ABHD2: variants seen among roughly 807,000 people sequenced by gnomAD.
ABHD2 encodes abhydrolase domain containing 2, acylglycerol lipase.
Under a neutral mutation model 48.1 loss-of-function variants are expected in ABHD2, and 20 were observed. The ratio of observed to expected loss-of-function variants is 0.42; its 90% CI spans 0.29 to 0.60. ABHD2 has a LOEUF of 0.60. Among genes scored for constraint, ABHD2 ranks in the 20% least tolerant of loss-of-function variants. The probability of loss-of-function intolerance (pLI) is 0.24; values close to 1 mark genes in which losing one functional copy is unlikely to be tolerated. For synonymous variants in ABHD2, 209 were observed against 214.2 expected (o/e 0.98, Z 0.21); for missense variants, 405 against 550.9 (o/e 0.74, Z 2.65).
chr15:89,119,015 T>A (rs1208257643), intron 3 of ABHD2, among the ~76,000 whole-genome samples: 1 of 152,154 alleles, frequency 6.6e-6, no homozygotes, highest in Non-Finnish European at 1.5e-5. Flanking sequence ...AGCATCAGCC[T>A]AAGCCAGGGG....
intron 1 of ABHD2, among the ~76,000 whole-genome samples, chr15:89,089,788 G>A (rs1750351442): frequency 6.6e-6 from 1 of 152,206 alleles, no homozygotes; most frequent in South Asian, 2.1e-4. Flanking sequence ...AAGGTCAGGA[G>A]GCAGAGAAAG....
chr15:89,123,678 G>A (rs2050088979), intron 3 of ABHD2, among the ~76,000 whole-genome samples: 1 of 135,320 alleles, frequency 7.4e-6, no homozygotes. Flanking sequence ...GCTCATTGTA[G>A]CCTCAACCTG....
the ABHD2 span, among the ~76,000 whole-genome samples, chr15:89,069,527 T>C: frequency 1.3e-5 from 2 of 152,128 alleles, no homozygotes; most frequent in African/African-American, 4.8e-5. Context: ...CCTTGTGAGT[T>C]TTGTGTTACT....
chr15:89,117,392 A>T (rs2049978618), intron 3 of ABHD2, among the ~76,000 whole-genome samples: 1 of 152,162 alleles, frequency 6.6e-6, no homozygotes, highest in Non-Finnish European at 1.5e-5. Flanking sequence ...GTAGTTGTAA[A>T]ATGAAGGGAA....
intron 3 of ABHD2, among the ~76,000 whole-genome samples, chr15:89,127,720 C>CATATATATATATATATATATATAT (rs1567080056): frequency 7.2e-5 from 5 of 69,764 alleles, no homozygotes; most frequent in African/African-American, 2.2e-4. Flanking sequence ...TATATATATA[C>CATATATATATATATATATATATAT]ACATATATAT....
Position 89,196,920 on chromosome 15 carries a change from A to C in ABHD2, c.*1497A>C, listed in dbSNP as rs1249728884. On this transcript the variant is annotated 3_prime_UTR_variant, in exon 11 of 11. Coordinates refer to ENST00000352732, the MANE Select transcript of ABHD2 (RefSeq NM_152924.5). ...GCACTTTGAACAATCAGCTGTTGCT[A>C]TCTGGAACTAAACAGAACTATGAGT... The C allele has an allele frequency of 1.3e-5, 2 of 152,656 alleles. No homozygotes were observed. Among genetic ancestry groups the C allele is most frequent in the South Asian group, 2.1e-4 (1 of 4,834 alleles). 9.5% of individuals were successfully genotyped at this position (152,656 alleles called of 1,614,324 possible). A position where few individuals can be genotyped will look rare whatever the true frequency, so the allele number is the denominator to read the frequency against.
chr15:89,135,784 C>A, intron 3 of ABHD2: 2 of 857,652 alleles, frequency 2.3e-6, no homozygotes. Context: ...ACATCTCTCC[C>A]AGTTTCTTTG....
At chr15:89,065,006 CT>C in the ABHD2 span, among the ~76,000 whole-genome samples, 534 of 152,226 alleles carry the variant, frequency 3.5e-3, 7 homozygotes, top group African/African-American at 0.013. Context: ...ATGCTTTTCT[CT>C]GTAATTTTAT....
At chr15:89,055,845 CTAAT>C in the ABHD2 span, among the ~76,000 whole-genome samples, 16 of 152,102 alleles carry the variant, frequency 1.1e-4, no homozygotes, top group African/African-American at 3.9e-4. Flanking sequence ...AGTTTACAAA[CTAAT>C]TGTGTAATGT....
the ABHD2 span, among the ~76,000 whole-genome samples, chr15:89,048,461 G>A: frequency 6.6e-6 from 1 of 151,706 alleles, no homozygotes; most frequent in Non-Finnish European, 1.5e-5. Flanking sequence ...CTAGATTGGG[G>A]AAGTTCTCCT....
chr15:89,145,684 G>T (rs2050479773), intron 3 of ABHD2, among the ~76,000 whole-genome samples: 1 of 152,230 alleles, frequency 6.6e-6, no homozygotes. Context: ...CCCACTGCAT[G>T]CAGGTAATAA....
In ABHD2 at chr15:89,098,647, G is replaced by C. The variant is rs77981039; in HGVS notation, c.-107+10084G>C. 2.4e-3 allele frequency among the ~76,000 whole-genome samples: 360 copies of C among 152,314 alleles called. 1 individual carries two copies. Among genetic ancestry groups the C allele is most frequent in the African/African-American group, 8.3e-3 (345 of 41,574 alleles). On this transcript the variant is annotated intron_variant, in intron 1 of 10. Coordinates refer to ENST00000352732, the MANE Select transcript of ABHD2 (RefSeq NM_152924.5). ...AAAGTGCTTGCTCATTCTTGTCAAT[G>C]ATGTTGACAAATGTACCCTTCTAAA...
chr15:89,061,717 T>A, the ABHD2 span, among the ~76,000 whole-genome samples: 1 of 151,924 alleles, frequency 6.6e-6, no homozygotes, highest in East Asian at 1.9e-4. Flanking sequence ...GGACTACAGG[T>A]GTGCACCACC....
chr15:89,103,618 G>T (rs1198923878), intron 1 of ABHD2, among the ~76,000 whole-genome samples: 3 of 152,132 alleles, frequency 2.0e-5, no homozygotes, highest in Admixed American at 1.3e-4. Flanking sequence ...GTACAGCACA[G>T]AATGTTCAGG....
At chr15:89,111,331 A>G (rs2049871793) in intron 1 of ABHD2, among the ~76,000 whole-genome samples, 1 of 152,188 alleles carries the variant, frequency 6.6e-6, no homozygotes. Context: ...TGAATATATA[A>G]TTTTCCTTCT....
rs760472202 is a variant in ABHD2, at chr15:89,146,574, G to C, written c.195-5103G>C. Among the ~76,000 whole-genome samples the C allele has an allele frequency of 6.6e-6, 1 of 152,004 alleles. No homozygotes were observed. Among genetic ancestry groups the C allele is most frequent in the East Asian group, 1.9e-4 (1 of 5,186 alleles). On this transcript the variant is annotated intron_variant, in intron 3 of 10. Transcript: ENST00000352732. The surrounding 1 kb of genome is among the most constrained non-coding windows in gnomAD (Gnocchi z 4.2). ...TGTTAGTAACAAACATTTATTAACC[G>C]CTGGCCACGGCACAACATTGGCCAC...
intron 3 of ABHD2, among the ~76,000 whole-genome samples, chr15:89,117,738 G>C (rs2049984054): frequency 6.6e-6 from 1 of 152,228 alleles, no homozygotes; most frequent in Admixed American, 6.5e-5. Flanking sequence ...CACCTCTTTT[G>C]GCTGTTGGGG....
chr15:89,050,102 A>G, the ABHD2 span, among the ~76,000 whole-genome samples: 1 of 152,150 alleles, frequency 6.6e-6, no homozygotes, highest in Non-Finnish European at 1.5e-5. Flanking sequence ...TGTCTTGGAG[A>G]AAGATGAAAG....
Position 89,178,497 on chromosome 15 carries a change from A to T in ABHD2, c.722+2502A>T, listed in dbSNP as rs555491413. On this transcript the variant is annotated intron_variant, in intron 6 of 10. Coordinates refer to ENST00000352732, the MANE Select transcript of ABHD2 (RefSeq NM_152924.5). ...GCGTCTGGTAAATCTCTCCTAGCTG[A>T]GTCTGGAGACCCGCTTCCTCAGTGA... Among the ~76,000 whole-genome samples the T allele has an allele frequency of 1.1e-4, 17 of 152,238 alleles. No individual in the cohort carries two copies. The South Asian group carries it at 2.9e-3, about 26-fold the overall frequency.
Sources: allele counts gnomAD v4.1 joint callset (sites outside exome capture counted in the v4.1 genomes callset), GRCh38; gene constraint gnomAD v4.1.1; non-coding constraint Gnocchi (gnomAD v3.1); transcripts MANE v1.5; gene names NCBI Gene and HGNC (gene_info 2026-07-23, HGNC 2026-07-21).